The following MX2 variants were observed in gnomAD, a reference collection of about 807,000 sequenced individuals.
The protein encoded by MX2 is interferon-induced GTP-binding protein Mx2.
MX2 carries 51 observed loss-of-function variants against 74.0 expected under a neutral mutation model. The ratio of observed to expected loss-of-function variants is 0.69; its 90% CI spans 0.55 to 0.87. The LOEUF (loss-of-function observed/expected upper bound fraction) is 0.87, where lower values mean the gene tolerates loss of function less well. Ranked by LOEUF, MX2 falls within the 40% of genes least tolerant of loss-of-function variation. The probability of loss-of-function intolerance (pLI) is 0.00; values close to 1 mark genes in which losing one functional copy is unlikely to be tolerated. For synonymous variants in MX2, 369 were observed against 339.3 expected, an observed-to-expected ratio of 1.09 and a Z score of -0.96; for missense variants, 832 against 908.7, an observed-to-expected ratio of 0.92 and a Z score of 1.09.
chr21:41,401,906 T>C (rs918126229), intron 10 of MX2, 64 bp from the exon 11 acceptor site: 109 of 1,547,828 alleles, frequency 7.0e-5, no homozygotes, highest in Non-Finnish European at 9.1e-5. Context: ...ATAAAACTGT[T>C]GCTAGCTTTA....
chr21:41,398,324 C>T (rs1007322306), intron 8 of MX2, among the ~76,000 whole-genome samples: 2 of 152,124 alleles, frequency 1.3e-5, no homozygotes, highest in African/African-American at 2.4e-5. Context: ...AAAAAAATTT[C>T]TTCTAGCCTC....
intron 5 of MX2, among the ~76,000 whole-genome samples, chr21:41,384,349 G>A (rs2089540062): frequency 6.6e-6 from 1 of 152,160 alleles, no homozygotes; most frequent in African/African-American, 2.4e-5. Context: ...TCTCCTCTAT[G>A]GAGGATACAC....
In MX2 at chr21:41,390,712, A is replaced by T; in HGVS notation, c.871+9A>T. The stretch of plus-strand genomic sequence containing the variant: ...AGGGGACAGGACCATCGGTAAGAGG[A>T]AAGAACCAAGTGGCCGGGTGCGGTG... On this transcript the variant is annotated intron_variant, in intron 6 of 13. Coordinates refer to ENST00000330714, the MANE Select transcript of MX2 (RefSeq NM_002463.2). The T allele has an allele frequency of 6.2e-7, 1 of 1,613,612 alleles. No individual in the cohort carries two copies. The highest frequency in any genetic ancestry group is 8.5e-7 in the Non-Finnish European group (1 of 1,179,700).
Position 41,402,300 on chromosome 21 carries a change from C to A in MX2, c.1573+172C>A. On this transcript the variant is annotated intron_variant, in intron 11 of 13. Coordinates refer to ENST00000330714, the MANE Select transcript of MX2 (RefSeq NM_002463.2). The surrounding 1 kb of genome is among the most constrained non-coding windows in gnomAD (Gnocchi z 4.5). ...TGTGAGCCAGCAGCACTGGCAAGGC[C>A]TGAGAGCTGGTCAGAGCTACCGATT... 1 of 740,040 alleles carries A rather than the reference C, an allele frequency of 1.4e-6. No individual in the cohort carries two copies. Among genetic ancestry groups the A allele is most frequent in the Non-Finnish European group, 2.1e-6 (1 of 485,382 alleles). The allele number at this position is 740,040 out of a possible 1,614,324, so 45.8% of individuals were successfully genotyped here.
At chr21:41,373,199 G>GA (rs112720500) in intron 1 of MX2, among the ~76,000 whole-genome samples, 5,128 of 152,256 alleles carry the variant, frequency 0.034, 283 homozygotes, top group African/African-American at 0.12. Flanking sequence ...GGCACTCAAT[G>GA]AATGTTTACA....
At chr21:41,406,306 C>T (rs1385781741) in intron 12 of MX2, among the ~76,000 whole-genome samples, 2 of 152,226 alleles carry the variant, frequency 1.3e-5, no homozygotes, top group Non-Finnish European at 2.9e-5. Context: ...TCTTCCTTGA[C>T]TGCATGGGTG....
chr21:41,384,139 A>T lies in MX2; in HGVS notation c.732+1575A>T, dbSNP rs146279457. On this transcript the variant is annotated intron_variant, in intron 5 of 13. Coordinates refer to ENST00000330714, the MANE Select transcript of MX2 (RefSeq NM_002463.2). ...GCCGCCTTGTGAAGAAGGTGCCTGCACCCCCTTGGCCCTCCCCCATGATTG... is the reference window on the plus strand; with the variant it reads ...GCCGCCTTGTGAAGAAGGTGCCTGCTCCCCCTTGGCCCTCCCCCATGATTG... Among the ~76,000 whole-genome samples the T allele has an allele frequency of 7.8e-3, 1,173 of 151,234 alleles. 19 individuals carry two copies. The highest frequency in any genetic ancestry group is 0.027 in the African/African-American group (1,108 of 41,138).
Position 41,376,021 on chromosome 21 carries a change from T to C in MX2, c.-71-815T>C, listed in dbSNP as rs116755780. Reference sequence around the variant, plus strand: ...AGCTTAAATGTATGTCTCAGCATGGTGCTGCCCTCATCTGAGTGCAGGCCA... The same window carrying C: ...AGCTTAAATGTATGTCTCAGCATGGCGCTGCCCTCATCTGAGTGCAGGCCA... On this transcript the variant is annotated intron_variant, in intron 1 of 13. Coordinates refer to ENST00000330714, the MANE Select transcript of MX2 (RefSeq NM_002463.2). 2.1e-3 allele frequency among the ~76,000 whole-genome samples: 326 copies of C among 152,340 alleles called. 2 individuals are homozygous for C. The highest frequency in any genetic ancestry group is 7.3e-3 in the African/African-American group (304 of 41,584).
At chr21:41,377,600 CCCT>C (rs954147812) in intron 2 of MX2, among the ~76,000 whole-genome samples, 186 bp from the exon 3 acceptor site, 44 of 152,290 alleles carry the variant, frequency 2.9e-4, no homozygotes, top group African/African-American at 1.0e-3. Flanking sequence ...CAGCATCTGC[CCCT>C]GTGAGGCCTC....
intron 12 of MX2, 86 bp downstream of exon 12, chr21:41,403,429 A>T: frequency 8.4e-7 from 1 of 1,194,510 alleles, no homozygotes; most frequent in South Asian, 1.2e-5. Flanking sequence ...GTCATTTGGA[A>T]CCATGAGGCC....
At chr21:41,376,710 C>G (rs546462894) in intron 1 of MX2, 126 bp from the exon 2 acceptor site, 2 of 678,784 alleles carry the variant, frequency 2.9e-6, no homozygotes, top group East Asian at 5.5e-5. Flanking sequence ...GCACTGGACC[C>G]CTGGTCTCTG....
chr21:41,385,572 G>T (rs2089560215), intron 5 of MX2, among the ~76,000 whole-genome samples: 2 of 152,144 alleles, frequency 1.3e-5, no homozygotes, highest in South Asian at 4.1e-4. Flanking sequence ...GAGTCCATTA[G>T]ACCTCTTTTT....
At position 41,366,800 on chromosome 21, in the gene MX2, T is replaced by A. The variant is rs2089269350; in HGVS notation, c.-72+4745T>A. The A allele has an allele frequency of 6.6e-6, 1 of 152,234 alleles. No individual in the cohort carries two copies. The highest frequency in any genetic ancestry group is 1.5e-5 in the Non-Finnish European group (1 of 68,080). The allele number at this position is 152,234 out of a possible 1,614,324, so 9.4% of individuals were successfully genotyped here. A position where few individuals can be genotyped will look rare whatever the true frequency, so the allele number is the denominator to read the frequency against. On this transcript the variant is annotated intron_variant, in intron 1 of 13. Coordinates refer to ENST00000330714, the MANE Select transcript of MX2 (RefSeq NM_002463.2). The surrounding 1 kb of genome is among the most constrained non-coding windows in gnomAD (Gnocchi z 4.5). ...AACCTGGTCTGACCCCGGCACCCTG[T>A]CCTGTTACACAAGAAACCCGGATGC...
intron 1 of MX2, among the ~76,000 whole-genome samples, chr21:41,362,710 G>A (rs2089223949): frequency 6.7e-6 from 1 of 149,374 alleles, no homozygotes; most frequent in Non-Finnish European, 1.5e-5. Context: ...ATATAGAGCG[G>A]AAAGGAGACA....
chr21:41,376,519 C>G (rs995475973), intron 1 of MX2, among the ~76,000 whole-genome samples: 2 of 152,076 alleles, frequency 1.3e-5, no homozygotes, highest in Non-Finnish European at 2.9e-5. Context: ...TACACTCCCC[C>G]ACTGGGTGAC....
At chr21:41,394,378 G>C (rs2089704430) in intron 6 of MX2, among the ~76,000 whole-genome samples, 1 of 151,986 alleles carries the variant, frequency 6.6e-6, no homozygotes, top group Non-Finnish European at 1.5e-5. Context: ...TCCCCACTAG[G>C]CTGACTCCTC....
At chr21:41,395,518 C>A in intron 6 of MX2, 69 bp from the exon 7 acceptor site, 1 of 1,479,038 alleles carries the variant, frequency 6.8e-7, no homozygotes, top group Non-Finnish European at 9.4e-7. Flanking sequence ...AGCCCATAGT[C>A]CAGTAGGAGT....
intron 10 of MX2, chr21:41,401,703 C>G: frequency 4.0e-6 from 1 of 250,536 alleles, no homozygotes; most frequent in Non-Finnish European, 7.5e-6. Context: ...TTTTTTCCTA[C>G]CAGTTAGAAA....
chr21:41,379,443 A>G (rs1276748665), intron 3 of MX2, among the ~76,000 whole-genome samples: 1 of 152,184 alleles, frequency 6.6e-6, no homozygotes, highest in African/African-American at 2.4e-5. Context: ...GGGCACTATC[A>G]GGATTCCCCT....
Sources: allele counts gnomAD v4.1 joint callset (sites outside exome capture counted in the v4.1 genomes callset), GRCh38; gene constraint gnomAD v4.1.1; non-coding constraint Gnocchi (gnomAD v3.1); transcripts MANE v1.5; gene names NCBI Gene and HGNC (gene_info 2026-07-23, HGNC 2026-07-21).